ZNF567: variants seen among roughly 807,000 people sequenced by gnomAD.
The protein encoded by ZNF567 is zinc finger protein 567.
Under a neutral mutation model 53.9 loss-of-function variants are expected in ZNF567, and 36 were observed. The ratio of observed to expected loss-of-function variants is 0.67; its 90% CI spans 0.51 to 0.88. The LOEUF (loss-of-function observed/expected upper bound fraction) is 0.88, where lower values mean the gene tolerates loss of function less well. ZNF567 is among the 40% of genes least tolerant of loss of function. The probability of loss-of-function intolerance (pLI) is 0.00; values close to 1 mark genes in which losing one functional copy is unlikely to be tolerated. For missense variants in ZNF567, 619 were observed against 764.7 expected (o/e 0.81, Z 2.25); for synonymous variants, 224 against 260.4 (o/e 0.86, Z 1.35).
In ZNF567 at chr19:36,703,917, C is replaced by T. The variant is rs187505145; in HGVS notation, c.10-8469C>T. ...CAATGCCTCGCCCTGCTTCGTCTCG[C>T]GCATGGTGCGCTGCACCCACTGTCC... On this transcript the variant is annotated intron_variant, in intron 3 of 5. Coordinates refer to ENST00000682579, the MANE Select transcript of ZNF567 (RefSeq NM_001322917.1). Among the ~76,000 whole-genome samples the T allele has an allele frequency of 4.2e-3, 637 of 152,316 alleles. 3 individuals carry two copies. Among genetic ancestry groups the T allele is most frequent in the Non-Finnish European group, 7.1e-3 (486 of 68,026 alleles).
upstream of ZNF567, among the ~76,000 whole-genome samples, chr19:36,686,269 C>T (rs188975487): frequency 6.6e-6 from 1 of 152,264 alleles, no homozygotes; most frequent in East Asian, 1.9e-4. Flanking sequence ...ATATGCTCAG[C>T]AATGGTTCCC....
chr19:36,681,590 G>A, the ZNF567 span, among the ~76,000 whole-genome samples: 1 of 145,962 alleles, frequency 6.9e-6, no homozygotes, highest in Non-Finnish European at 1.6e-5. Flanking sequence ...ACCACACCCA[G>A]CTAATTTTTT....
chr19:36,709,557 T>A (rs1052472559), intron 3 of ZNF567, among the ~76,000 whole-genome samples: 1 of 148,472 alleles, frequency 6.7e-6, no homozygotes, highest in Non-Finnish European at 1.5e-5. Context: ...CTCAAACTCC[T>A]GGCTTCAAGC....
intron 3 of ZNF567, among the ~76,000 whole-genome samples, chr19:36,709,082 A>G (rs977837080): frequency 1.1e-4 from 16 of 152,310 alleles, no homozygotes; most frequent in African/African-American, 3.8e-4. Flanking sequence ...GTTTGCAATA[A>G]GTGGTATTAG....
At chr19:36,685,854 T>G (rs2038256526), upstream of ZNF567, 1 of 152,264 alleles carries the variant, frequency 6.6e-6, no homozygotes, top group South Asian at 2.1e-4. Flanking sequence ...GTTCTTCTGC[T>G]GATCATATTC....
At chr19:36,718,039 A>G (rs2040140769) in intron 5 of ZNF567, among the ~76,000 whole-genome samples, 1 of 152,222 alleles carries the variant, frequency 6.6e-6, no homozygotes, top group Admixed American at 6.5e-5. Flanking sequence ...TTTTCCATTC[A>G]TAAGAGAAAA....
chr19:36,702,011 C>T (rs2039219037), intron 3 of ZNF567, among the ~76,000 whole-genome samples: 2 of 151,860 alleles, frequency 1.3e-5, no homozygotes, highest in South Asian at 4.2e-4. Flanking sequence ...GCAGTTTCTT[C>T]CTAGTCTCGA....
chr19:36,692,657 T>C (rs1780612361), intron 2 of ZNF567, among the ~76,000 whole-genome samples: 1 of 152,200 alleles, frequency 6.6e-6, no homozygotes, highest in South Asian at 2.1e-4. Context: ...ATTACAGGCA[T>C]GAGCTACCTA....
At chr19:36,714,665 T>A (rs2039957212) in intron 5 of ZNF567, among the ~76,000 whole-genome samples, 1 of 152,214 alleles carries the variant, frequency 6.6e-6, no homozygotes, top group Non-Finnish European at 1.5e-5. Context: ...GTTGATAAAG[T>A]CAAAGTTGCC....
rs539718796 is a variant in ZNF567 at position 36,714,201 on chromosome 19, G to T, written c.223+1334G>T. On this transcript the variant is annotated intron_variant, in intron 5 of 5. Coordinates refer to ENST00000682579, the MANE Select transcript of ZNF567 (RefSeq NM_001322917.1). ...TTTTGAGATGGAGTCTTACTCTGTAGCCCAGGCTGGAATGCAGTGACGTCA... is the reference window on the plus strand; with the variant it reads ...TTTTGAGATGGAGTCTTACTCTGTATCCCAGGCTGGAATGCAGTGACGTCA... Among the ~76,000 whole-genome samples, 4 of 151,962 alleles carry T rather than the reference G, an allele frequency of 2.6e-5. No individual in the cohort carries two copies. The East Asian group carries it at 7.8e-4, about 29-fold the overall frequency.
At chr19:36,687,874 G>T (rs929633565) in intron 1 of ZNF567, among the ~76,000 whole-genome samples, 4 of 152,196 alleles carry the variant, frequency 2.6e-5, no homozygotes, top group Admixed American at 6.5e-5. Context: ...TGCCCGAGGC[G>T]GGGGGTGAGC....
chr19:36,726,648 T>C (rs1487002935), downstream of ZNF567, among the ~76,000 whole-genome samples: 1 of 152,258 alleles, frequency 6.6e-6, no homozygotes, highest in Non-Finnish European at 1.5e-5. Context: ...GAGGCAGGGC[T>C]GGCCCTGTTA....
At chr19:36,687,860 C>T (rs2038337203) in intron 1 of ZNF567, among the ~76,000 whole-genome samples, 1 of 152,182 alleles carries the variant, frequency 6.6e-6, no homozygotes, top group South Asian at 2.1e-4. Context: ...AGAAGGGAAC[C>T]GGTTGCCCGA....
chr19:36,707,135 T>C (rs775575590), intron 3 of ZNF567, among the ~76,000 whole-genome samples: 7 of 152,182 alleles, frequency 4.6e-5, no homozygotes, highest in Non-Finnish European at 8.8e-5. Flanking sequence ...CTTCCTATTT[T>C]TTCCAATTAT....
chr19:36,714,366 G>T (rs978404388), intron 5 of ZNF567: 4 of 379,294 alleles, frequency 1.1e-5, no homozygotes, highest in Admixed American at 9.1e-5. Flanking sequence ...GTTTCACCAT[G>T]TTGGCCAGGC....
the ZNF567 span, among the ~76,000 whole-genome samples, chr19:36,676,795 A>G: frequency 1.3e-5 from 2 of 152,132 alleles, no homozygotes; most frequent in African/African-American, 4.8e-5. Context: ...AGGTTGGGGG[A>G]TCGCTTGAGC....
chr19:36,715,864 C>T (rs914915108), intron 5 of ZNF567, among the ~76,000 whole-genome samples: 5 of 152,120 alleles, frequency 3.3e-5, no homozygotes, highest in Non-Finnish European at 7.3e-5. Context: ...ACAAAGTCAA[C>T]TTGATTTTTC....
chr19:36,709,502 C>T (rs932256417), intron 3 of ZNF567, among the ~76,000 whole-genome samples: 1 of 151,018 alleles, frequency 6.6e-6, no homozygotes, highest in Non-Finnish European at 1.5e-5. Context: ...CCTTCCCCTT[C>T]CCCCACTCCA....
chr19:36,676,500 C>CT, the ZNF567 span, among the ~76,000 whole-genome samples: 1 of 152,052 alleles, frequency 6.6e-6, no homozygotes, highest in African/African-American at 2.4e-5. Flanking sequence ...TGCCCAGCTG[C>CT]TATGTATACC....
Sources: allele counts gnomAD v4.1 joint callset (sites outside exome capture counted in the v4.1 genomes callset), GRCh38; gene constraint gnomAD v4.1.1; transcripts MANE v1.5; gene names NCBI Gene and HGNC (gene_info 2026-07-23, HGNC 2026-07-21).